ADARB2: variants seen among roughly 807,000 people sequenced by gnomAD.
ADARB2 encodes adenosine deaminase RNA specific B2 (inactive).
In ADARB2, 25 loss-of-function variants were observed where a neutral mutation model predicts 62.2. The ratio of observed to expected loss-of-function variants is 0.40; its 90% CI spans 0.29 to 0.56. The LOEUF (loss-of-function observed/expected upper bound fraction) is 0.56. ADARB2 is among the 20% of genes least tolerant of loss of function. ADARB2 has a pLI of 0.43. For missense variants in ADARB2, 1,071 were observed against 1,077.4 expected, an observed-to-expected ratio of 0.99 and a Z score of 0.08; for synonymous variants, 572 against 500.8, an observed-to-expected ratio of 1.14 and a Z score of -1.90.
In ADARB2 at chr10:1,182,439, G is replaced by A. The variant is rs980220789; in HGVS notation, c.*754C>T. On this transcript the variant is annotated 3_prime_UTR_variant, in exon 10 of 10. Transcript: ENST00000381312. ...GCACGCGTGGGCCGGGTGTTTCCAG[G>A]CTCCCCACATCTGCAGCACGCGTGG... 4 of 150,882 alleles carry A rather than the reference G, an allele frequency of 2.7e-5. No homozygotes were observed. Among genetic ancestry groups the A allele is most frequent in the Admixed American group, 6.6e-5 (1 of 15,084 alleles). The allele number at this position is 150,882 out of a possible 1,614,324, so 9.3% of individuals were successfully genotyped here.
At chr10:1,394,222 T>C (rs1832592807) in intron 1 of ADARB2, among the ~76,000 whole-genome samples, 1 of 152,232 alleles carries the variant, frequency 6.6e-6, no homozygotes, top group African/African-American at 2.4e-5. Flanking sequence ...GAAGCTTATC[T>C]GATTGTTCTG....
intron 1 of ADARB2, among the ~76,000 whole-genome samples, chr10:1,540,082 C>G (rs1187611066): frequency 6.6e-6 from 1 of 152,236 alleles, no homozygotes; most frequent in East Asian, 1.9e-4. Context: ...TTATCTGAAT[C>G]GTGGCAGCTC....
At position 1,503,374 on chromosome 10, in the gene ADARB2, TG is replaced by T. The variant is rs369183508; in HGVS notation, c.101-124215del. 6.1e-3 allele frequency among the ~76,000 whole-genome samples: 921 copies of T among 149,820 alleles called. 11 individuals carry two copies. The highest frequency in any genetic ancestry group is 0.021 in the African/African-American group (853 of 40,812). On this transcript the variant is annotated intron_variant, in intron 1 of 9. Coordinates refer to ENST00000381312, the MANE Select transcript of ADARB2 (RefSeq NM_018702.4). ...GCTATTTTTTTTTTTTTTTTAGAGA[TG>T]GGGTTTTGCCATGTTGCCCAGGCTG...
intron 1 of ADARB2, among the ~76,000 whole-genome samples, chr10:1,651,146 C>T (rs910771113): frequency 1.3e-4 from 20 of 152,204 alleles, no homozygotes; most frequent in Admixed American, 1.2e-3. Flanking sequence ...AAATTGCCTC[C>T]CTGCCAATAT....
At chr10:1,547,842 A>G (rs536696020) in intron 1 of ADARB2, among the ~76,000 whole-genome samples, 1 of 151,996 alleles carries the variant, frequency 6.6e-6, no homozygotes, top group East Asian at 1.9e-4. Flanking sequence ...GGAGATAGGC[A>G]TTGGTTTGTC....
chr10:1,610,852 A>G (rs1280763620), intron 1 of ADARB2, among the ~76,000 whole-genome samples: 1 of 152,144 alleles, frequency 6.6e-6, no homozygotes, highest in Non-Finnish European at 1.5e-5. Flanking sequence ...AGACTCGCAG[A>G]CACACCCATA....
chr10:1,263,726 G>A (rs1038422921), intron 4 of ADARB2, among the ~76,000 whole-genome samples: 1 of 152,124 alleles, frequency 6.6e-6, no homozygotes, highest in South Asian at 2.1e-4. Flanking sequence ...CATTTGGTGA[G>A]GATTTAACTC....
intron 1 of ADARB2, among the ~76,000 whole-genome samples, chr10:1,636,404 C>A (rs1833917727): frequency 6.6e-6 from 1 of 152,112 alleles, no homozygotes. Context: ...GTAGTCCCAG[C>A]TACTCAGGAG....
chr10:1,232,734 G>A (rs1830820397), intron 6 of ADARB2, among the ~76,000 whole-genome samples: 1 of 53,924 alleles, frequency 1.9e-5, no homozygotes, highest in African/African-American at 9.8e-5. Flanking sequence ...TAGTGTATGT[G>A]ACATGAGTAG....
intron 6 of ADARB2, among the ~76,000 whole-genome samples, chr10:1,232,992 G>A (rs189257177): frequency 4.6e-5 from 7 of 152,106 alleles, no homozygotes; most frequent in South Asian, 2.1e-4. Flanking sequence ...CTAAGCAATA[G>A]GATTTCATCA....
chr10:1,315,344 T>G (rs1033789941), intron 3 of ADARB2, among the ~76,000 whole-genome samples: 3 of 152,194 alleles, frequency 2.0e-5, no homozygotes, highest in African/African-American at 7.2e-5. Context: ...CTTCATTGAT[T>G]GCTGCTGGGG....
At chr10:1,498,197 A>C (rs900872012) in intron 1 of ADARB2, among the ~76,000 whole-genome samples, 29 of 152,098 alleles carry the variant, frequency 1.9e-4, no homozygotes, top group Non-Finnish European at 3.5e-4. Context: ...AACATGGTGA[A>C]ACCCATTTTT....
intron 1 of ADARB2, among the ~76,000 whole-genome samples, chr10:1,492,566 T>G (rs61831891): frequency 0.15 from 23,520 of 152,046 alleles, 2,212 homozygotes; most frequent in Middle Eastern, 0.23. Context: ...TGGATTTCAG[T>G]TGCTTTAAGA....
In ADARB2 at chr10:1,344,328, C is replaced by T. The variant is rs547781208; in HGVS notation, c.1077+18700G>A. ...GAACTCTTGGAGCCTGCGTGGCCGTCGCGGCAATGACCTGGTGAGAAGGTG... is the reference window on the plus strand; with the variant it reads ...GAACTCTTGGAGCCTGCGTGGCCGTTGCGGCAATGACCTGGTGAGAAGGTG... On this transcript the variant is annotated intron_variant, in intron 3 of 9. Transcript: ENST00000381312. Among the ~76,000 whole-genome samples the T allele has an allele frequency of 3.0e-4, 46 of 152,312 alleles. No homozygotes were observed. The South Asian group carries it at 4.1e-3, about 14-fold the overall frequency.
At chr10:1,375,957 G>C (rs1832423938) in intron 2 of ADARB2, among the ~76,000 whole-genome samples, 1 of 30,404 alleles carries the variant, frequency 3.3e-5, no homozygotes, top group Non-Finnish European at 7.2e-4. Flanking sequence ...CCACACACAT[G>C]CACACACACA....
intron 1 of ADARB2, among the ~76,000 whole-genome samples, chr10:1,691,206 A>T (rs1390431958): frequency 1.3e-5 from 2 of 152,140 alleles, no homozygotes; most frequent in Non-Finnish European, 2.9e-5. Context: ...ACAGACATGC[A>T]CAGAGGGATG....
intron 1 of ADARB2, among the ~76,000 whole-genome samples, chr10:1,657,964 A>T: frequency 7.4e-6 from 1 of 135,774 alleles, no homozygotes; most frequent in Admixed American, 7.4e-5. Context: ...TGTCTGCCTC[A>T]GTCTCTCTCT....
intron 1 of ADARB2, among the ~76,000 whole-genome samples, chr10:1,527,895 T>C (rs564724396): frequency 6.6e-6 from 1 of 152,146 alleles, no homozygotes; most frequent in Non-Finnish European, 1.5e-5. Flanking sequence ...CATTCATAAA[T>C]TTATCATTCT....
chr10:1,337,921 C>T (rs193197187), intron 3 of ADARB2, among the ~76,000 whole-genome samples: 9 of 152,340 alleles, frequency 5.9e-5, no homozygotes, highest in Admixed American at 3.3e-4. Flanking sequence ...TCACCTCGTG[C>T]ACACTATACA....
Sources: gnomAD v4.1 joint callset for allele counts (sites outside exome capture counted in the v4.1 genomes callset) on GRCh38, gnomAD v4.1.1 for gene constraint, MANE v1.5 for transcripts, NCBI Gene and HGNC (gene_info 2026-07-23, HGNC 2026-07-21) for gene names.